Variants in MRPS18A observed in about 807,000 individuals in gnomAD.
MRPS18A encodes large ribosomal subunit protein mL66.
Under a neutral mutation model 22.7 loss-of-function variants are expected in MRPS18A, and 20 were observed. The observed-to-expected ratio is 0.88, with a 90% confidence interval of 0.62 to 1.28. The LOEUF (loss-of-function observed/expected upper bound fraction) is 1.28, where lower values mean the gene tolerates loss of function less well. Among genes scored for constraint, MRPS18A ranks in the 50% most tolerant of loss-of-function variants. The pLI is 0.00. For missense variants in MRPS18A, 294 were observed against 262.6 expected (o/e 1.12, Z -0.83); for synonymous variants, 106 against 99.1 (o/e 1.07, Z -0.41).
chr6:43,686,472 C>G (rs1774703564), intron 1 of MRPS18A, among the ~76,000 whole-genome samples: 1 of 152,222 alleles, frequency 6.6e-6, no homozygotes, highest in African/African-American at 2.4e-5. Context: ...GGGCTAAATT[C>G]TTCAAACATA....
chr6:43,676,397 G>A (rs1056842440), intron 3 of MRPS18A, among the ~76,000 whole-genome samples: 14 of 152,170 alleles, frequency 9.2e-5, no homozygotes, highest in African/African-American at 3.4e-4. Context: ...TCTGAAGTGC[G>A]AGGAAGGCAT....
rs1363269287 is a variant in MRPS18A, at chr6:43,687,776, C to T, written c.4G>A (p.Ala2Thr). The T allele has an allele frequency of 1.9e-6, 3 of 1,570,352 alleles. No individual in the cohort carries two copies. In the African/African-American group the frequency reaches 4.0e-5, roughly 21 times the overall value. Reference protein sequence around the residue: MAALKALVSGCG... With the variant: MTALKALVSGCG... ...CCGGACACCAGAGCCTTGAGGGCCG[C>T]CATCTTCAAAAACCTACCCTGACCT... The change falls in exon 1 of 6, where the codon GCG (alanine) becomes ACG (threonine). Residue 2 changes from alanine (A) to threonine (T), a missense_variant. Coordinates refer to ENST00000372133, the MANE Select transcript of MRPS18A (RefSeq NM_018135.4).
At chr6:43,684,695 C>G (rs1013444022) in intron 1 of MRPS18A, among the ~76,000 whole-genome samples, 1 of 152,138 alleles carries the variant, frequency 6.6e-6, no homozygotes, top group Non-Finnish European at 1.5e-5. Flanking sequence ...TATGGGACTG[C>G]CCAACCTGCC....
Position 43,671,704 on chromosome 6 carries a change from G to A in MRPS18A, c.*58C>T. On this transcript the variant is annotated 3_prime_UTR_variant, in exon 6 of 6. Transcript: ENST00000372133. Reference sequence around the variant, plus strand: ...TATAGTTGTGGCCAAGGGCTTGTGAGTGGGCCTCCTACTCCCCAGCACAGG... The same window carrying A: ...TATAGTTGTGGCCAAGGGCTTGTGAATGGGCCTCCTACTCCCCAGCACAGG... 6.2e-7 allele frequency: 1 copy of A among 1,604,132 alleles called. No individual in the cohort carries two copies. Among genetic ancestry groups the A allele is most frequent in the Non-Finnish European group, 8.5e-7 (1 of 1,171,930 alleles).
At chr6:43,672,106 C>T (rs925756457) in intron 5 of MRPS18A, 200 bp from the exon 6 acceptor site, 6 of 657,744 alleles carry the variant, frequency 9.1e-6, no homozygotes, top group South Asian at 2.0e-5. Context: ...CTCTTGCTGC[C>T]GCAAGCCTGT....
intron 2 of MRPS18A, among the ~76,000 whole-genome samples, 151 bp downstream of exon 2, chr6:43,680,911 CTGATTAACCACACTATAGCACACAGCT>C (rs1774364754): frequency 6.6e-6 from 1 of 152,220 alleles, no homozygotes; most frequent in Non-Finnish European, 1.5e-5. Flanking sequence ...GCAACTGTTC[CTGATTAACCACACTATAGCACACAGCT>C]TGAAAAATAG....
chr6:43,675,054 A>G, intron 5 of MRPS18A, 148 bp downstream of exon 5: 1 of 655,242 alleles, frequency 1.5e-6, no homozygotes, highest in South Asian at 3.4e-5. Context: ...GTTGGCAAAG[A>G]AGGCAACAGA....
intron 1 of MRPS18A, 110 bp from the exon 2 acceptor site, chr6:43,681,230 ACT>A (rs1774393722): frequency 2.7e-6 from 3 of 1,095,198 alleles, no homozygotes; most frequent in Non-Finnish European, 4.0e-6. Flanking sequence ...TTCCATCTGT[ACT>A]CTCTCATGGT....
At chr6:43,684,508 C>A (rs1241594089) in intron 1 of MRPS18A, among the ~76,000 whole-genome samples, 2 of 152,186 alleles carry the variant, frequency 1.3e-5, no homozygotes, top group African/African-American at 4.8e-5. Context: ...TTTCTGGTTC[C>A]CTCATCACCT....
Position 43,671,470 on chromosome 6 carries a change from G to C in MRPS18A, c.*292C>G, listed in dbSNP as rs572620608. On this transcript the variant is annotated 3_prime_UTR_variant, in exon 6 of 6. Transcript: ENST00000372133. The stretch of plus-strand genomic sequence containing the variant: ...CCCAATGGGTAAGCCCATGAACCCA[G>C]TTTATGACACTGCGTTGGGCAAAAC... The C allele has an allele frequency of 6.3e-5, 31 of 493,672 alleles. No individual in the cohort carries two copies. The highest frequency in any genetic ancestry group is 5.2e-4 in the African/African-American group (27 of 51,728). 30.6% of individuals were successfully genotyped at this position (493,672 alleles called of 1,614,324 possible). A position where few individuals can be genotyped will look rare whatever the true frequency, so the allele number is the denominator to read the frequency against.
rs1185757150 is a variant in MRPS18A at position 43,671,864 on chromosome 6, G to A, written c.489C>T (p.Tyr163=). ...RWAPGSVKPI[Y]KKGPRWNRVR... is the part of the protein sequence containing the mutation. ...CCCTGTTCCAGCGGGGGCCTTTTTTGTAGATGGGCTTGACGGAGCCAGGAG... is the reference window on the plus strand; with the variant it reads ...CCCTGTTCCAGCGGGGGCCTTTTTTATAGATGGGCTTGACGGAGCCAGGAG... The change falls in exon 6 of 6, where the codon TAC becomes TAT. Residue 163 remains tyrosine (Y), a synonymous_variant. Coordinates refer to ENST00000372133, the MANE Select transcript of MRPS18A (RefSeq NM_018135.4). The A allele has an allele frequency of 6.2e-7, 1 of 1,613,924 alleles. No individual in the cohort carries two copies. The highest frequency in any genetic ancestry group is 8.5e-7 in the Non-Finnish European group (1 of 1,179,892).
Position 43,671,484 on chromosome 6 carries a change from G to A in MRPS18A, c.*278C>T, listed in dbSNP as rs1037096693. 60 of 514,290 alleles carry A rather than the reference G, an allele frequency of 1.2e-4. 1 individual carries two copies. Among genetic ancestry groups the A allele is most frequent in the Middle Eastern group, 1.1e-3 (2 of 1,858 alleles). The allele number at this position is 514,290 out of a possible 1,614,324, so 31.9% of individuals were successfully genotyped here. A position where few individuals can be genotyped will look rare whatever the true frequency, so the allele number is the denominator to read the frequency against. ...CCATGAACCCAGTTTATGACACTGC[G>A]TTGGGCAAAACTCCTGTCCCCAGCA... On this transcript the variant is annotated 3_prime_UTR_variant, in exon 6 of 6. Coordinates refer to ENST00000372133, the MANE Select transcript of MRPS18A (RefSeq NM_018135.4).
rs1338911495 is a variant in MRPS18A, at chr6:43,671,427, CCAAG to C, written c.*331_*334del. On this transcript the variant is annotated 3_prime_UTR_variant, in exon 6 of 6. Transcript: ENST00000372133. The stretch of plus-strand genomic sequence containing the variant: ...ATGTGCCCAGGACCCCCTGCACTTC[CCAAG>C]CAGTGAGCGCACACCCAATGGGTAA... 5 of 423,458 alleles carry C rather than the reference CCAAG, an allele frequency of 1.2e-5. No homozygotes were observed. The highest frequency in any genetic ancestry group is 2.2e-5 in the Non-Finnish European group (5 of 231,846). The allele number at this position is 423,458 out of a possible 1,614,324, so 26.2% of individuals were successfully genotyped here. A position where few individuals can be genotyped will look rare whatever the true frequency, so the allele number is the denominator to read the frequency against.
intron 2 of MRPS18A, among the ~76,000 whole-genome samples, chr6:43,680,256 A>G (rs531148288): frequency 2.0e-4 from 30 of 151,976 alleles, no homozygotes; most frequent in Admixed American, 1.7e-3. Context: ...GGGGTCCCCT[A>G]AAAAGAACTG....
Position 43,671,730 on chromosome 6 carries a change from TGCA to T in MRPS18A, c.*29_*31del. The T allele has an allele frequency of 6.2e-7, 1 of 1,613,574 alleles. No homozygotes were observed. The highest frequency in any genetic ancestry group is 8.5e-7 in the Non-Finnish European group (1 of 1,179,684). ...TGGGCCTCCTACTCCCCAGCACAGG[TGCA>T]GGAGGAACTCTGGAAGCACTGCTCT... On this transcript the variant is annotated 3_prime_UTR_variant, in exon 6 of 6. Coordinates refer to ENST00000372133, the MANE Select transcript of MRPS18A (RefSeq NM_018135.4).
rs1429772055 is a variant in MRPS18A at position 43,678,599 on chromosome 6, G to T, written c.171C>A (p.Pro57=). Residue 57 remains proline (P), a synonymous_variant, in exon 3 of 6, where the codon CCC becomes CCA. Coordinates refer to ENST00000372133, the MANE Select transcript of MRPS18A (RefSeq NM_018135.4). ...GGTTAGGAGGATTTGGACTCTCCTT[G>T]GGAGTCGCTGTGATACGGCCTTCAA... ...TIIEGRITAT[P]KESPNPPNPS... The T allele has an allele frequency of 6.2e-7, 1 of 1,613,722 alleles. No homozygotes were observed. Among genetic ancestry groups the T allele is most frequent in the Non-Finnish European group, 8.5e-7 (1 of 1,179,796 alleles).
At chr6:43,676,867 A>G (rs1774083781) in intron 3 of MRPS18A, among the ~76,000 whole-genome samples, 1 of 152,184 alleles carries the variant, frequency 6.6e-6, no homozygotes, top group African/African-American at 2.4e-5. Context: ...CCACCCCTGT[A>G]CTTTTCAGAA....
intron 2 of MRPS18A, 62 bp downstream of exon 2, chr6:43,681,027 G>C: frequency 1.3e-6 from 2 of 1,556,916 alleles, no homozygotes; most frequent in East Asian, 2.2e-5. Context: ...CTCCCTCAGA[G>C]GAGCGGCCAG....
At chr6:43,675,398 C>A (rs781400176) in intron 4 of MRPS18A, 96 bp downstream of exon 4, 49 of 1,604,810 alleles carry the variant, frequency 3.1e-5, no homozygotes, top group Non-Finnish European at 3.7e-5. Flanking sequence ...CTCCGGATAT[C>A]CACTTTTCTT....
Sources: gnomAD v4.1 joint callset for allele counts (sites outside exome capture counted in the v4.1 genomes callset) on GRCh38, gnomAD v4.1.1 for gene constraint, MANE v1.5 for transcripts, NCBI Gene and HGNC (gene_info 2026-07-23, HGNC 2026-07-21) for gene names.